Variants in ADAM9 observed in about 807,000 individuals in gnomAD.
ADAM9 encodes ADAM metallopeptidase domain 9, also known as disintegrin and metalloproteinase domain-containing protein 9.
In ADAM9, 54 loss-of-function variants were observed where a neutral mutation model predicts 108.1. That is an observed-to-expected ratio of 0.50 (90% confidence interval 0.40 to 0.63). ADAM9 has a LOEUF of 0.63. ADAM9 is among the 20% of genes least tolerant of loss of function. The pLI, the probability that ADAM9 is intolerant of heterozygous loss-of-function variation, is 0.00. For missense variants in ADAM9, 830 were observed against 997.7 expected, an observed-to-expected ratio of 0.83 and a Z score of 2.26; for synonymous variants, 316 against 336.0, an observed-to-expected ratio of 0.94 and a Z score of 0.65.
chr8:39,012,957 A>AT (rs1206537233), intron 3 of ADAM9, among the ~76,000 whole-genome samples: 36 of 152,270 alleles, frequency 2.4e-4, no homozygotes, highest in African/African-American at 6.7e-4. Flanking sequence ...ATAATAAAAA[A>AT]ATATATAGAC....
chr8:39,042,230 C>T (rs776914037), intron 12 of ADAM9, 113 bp downstream of exon 12: 44 of 1,152,942 alleles, frequency 3.8e-5, no homozygotes, highest in South Asian at 3.5e-4. Context: ...TTTAGTGGCA[C>T]AGTGAGGATT....
intron 21 of ADAM9, among the ~76,000 whole-genome samples, 189 bp downstream of exon 21, chr8:39,102,119 A>G (rs1288758176): frequency 6.6e-6 from 1 of 152,216 alleles, no homozygotes; most frequent in African/African-American, 2.4e-5. Context: ...CAGGGTCAAA[A>G]TGAAATATTA....
intron 12 of ADAM9, among the ~76,000 whole-genome samples, chr8:39,043,530 C>T (rs572554261): frequency 6.6e-6 from 1 of 152,190 alleles, no homozygotes; most frequent in South Asian, 2.1e-4. Context: ...TGATGAGTGA[C>T]ATTGAGCATC....
At chr8:39,034,399 A>G (rs1588360191) in intron 11 of ADAM9, among the ~76,000 whole-genome samples, 1 of 152,124 alleles carries the variant, frequency 6.6e-6, no homozygotes, top group Non-Finnish European at 1.5e-5. Flanking sequence ...CTTGACTCAT[A>G]TAGCTGTGTG....
At chr8:39,087,620 CT>C (rs1041603325) in intron 18 of ADAM9, among the ~76,000 whole-genome samples, 30 of 152,148 alleles carry the variant, frequency 2.0e-4, no homozygotes, top group African/African-American at 7.2e-4. Context: ...TTTTATGGTT[CT>C]TTTAGGAGTA....
chr8:39,077,722 G>A (rs1441242603), intron 16 of ADAM9, among the ~76,000 whole-genome samples: 1 of 152,126 alleles, frequency 6.6e-6, no homozygotes, highest in African/African-American at 2.4e-5. Flanking sequence ...CTGAATTTCA[G>A]GGTGTGTGTC....
chr8:39,064,589 AATCAGTATTT>A (rs879626609), intron 14 of ADAM9, among the ~76,000 whole-genome samples: 1 of 152,208 alleles, frequency 6.6e-6, no homozygotes, highest in Non-Finnish European at 1.5e-5. Context: ...CCAATAGTGT[AATCAGTATTT>A]ATCCTGAGAT....
At chr8:39,045,409 TGC>T (rs376655095) in intron 12 of ADAM9, among the ~76,000 whole-genome samples, 8,951 of 43,284 alleles carry the variant, frequency 0.21, 1,895 homozygotes, top group Non-Finnish European at 0.24. Context: ...CACCTATATG[TGC>T]GCGTGTGTAC....
intron 16 of ADAM9, among the ~76,000 whole-genome samples, chr8:39,080,838 A>G (rs888485182): frequency 4.6e-5 from 7 of 151,700 alleles, no homozygotes; most frequent in Non-Finnish European, 7.4e-5. Flanking sequence ...CAGAAGTCCT[A>G]TAGTCAAGTT....
At chr8:39,054,440 A>G in intron 12 of ADAM9, 41 bp from the exon 13 acceptor site, 1 of 1,530,300 alleles carries the variant, frequency 6.5e-7, no homozygotes, top group Non-Finnish European at 9.0e-7. Context: ...TATTCATGTC[A>G]ATTACTAATT....
chr8:39,022,013 CTTA>C (rs1302190981), intron 8 of ADAM9, among the ~76,000 whole-genome samples: 3 of 150,454 alleles, frequency 2.0e-5, no homozygotes, highest in Non-Finnish European at 4.4e-5. Flanking sequence ...TCGAATGCAT[CTTA>C]TTTTGAATAA....
rs777588861 is a variant in ADAM9 at position 39,011,735 on chromosome 8, T to A, written c.254+19T>A. On this transcript the variant is annotated intron_variant, in intron 3 of 21. Coordinates refer to ENST00000487273, the MANE Select transcript of ADAM9 (RefSeq NM_003816.3). ...GGAACAAGTAAGACATTTAATTTAT[T>A]TTGGCTTTTCAGTAATGTTTTTCCA... 2 of 1,601,564 alleles carry A rather than the reference T, an allele frequency of 1.2e-6. No individual in the cohort carries two copies. Among genetic ancestry groups the A allele is most frequent in the Admixed American group, 3.3e-5 (2 of 59,992 alleles).
At chr8:39,094,214 T>C (rs940569854) in intron 20 of ADAM9, among the ~76,000 whole-genome samples, 1 of 152,246 alleles carries the variant, frequency 6.6e-6, no homozygotes, top group Admixed American at 6.5e-5. Context: ...TTTTGTTTGT[T>C]AATGTTGTTA....
chr8:39,056,725 C>G (rs1205745245), intron 14 of ADAM9, among the ~76,000 whole-genome samples: 4 of 152,044 alleles, frequency 2.6e-5, no homozygotes, highest in African/African-American at 9.7e-5. Context: ...CATTAATTGA[C>G]CTGTATATTG....
Position 39,007,966 on chromosome 8 carries a change from A to G in ADAM9, c.178A>G (p.Arg60Gly). The change falls in exon 2 of 22, where the codon AGG (arginine) becomes GGG (glycine). Residue 60 changes from arginine (R) to glycine (G), a missense_variant. By Grantham distance (125) the Arg-to-Gly change is moderately radical (BLOSUM62 -2). This residue lies in a region of ADAM9 where 211 missense variants were observed against 222.2 expected (regional missense o/e 0.95). Transcript: ENST00000487273. ...AACTAGAGAAAGAAGAGAAGCCCCT[A>G]GGCCCTATTCAAAACAAGTAAGTTA... ...RLTRERREAP[R>G]PYSKQVSYVI... 1 of 1,605,378 alleles carries G rather than the reference A, an allele frequency of 6.2e-7. No individual in the cohort carries two copies. Among genetic ancestry groups the G allele is most frequent in the Non-Finnish European group, 8.5e-7 (1 of 1,173,168 alleles).
Position 39,105,167 on chromosome 8 carries a change from T to C in ADAM9, c.*1467T>C. On this transcript the variant is annotated 3_prime_UTR_variant, in exon 22 of 22. Transcript: ENST00000487273. ...TGGCTTTTTGTTAATAAAGAACAGA[T>C]TAGTTTTGAAGAAGGCAAAAATTTC... is the stretch of plus-strand genomic sequence containing the variant. 4.5e-6 allele frequency: 2 copies of C among 440,114 alleles called. No homozygotes were observed. The highest frequency in any genetic ancestry group is 9.0e-6 in the Non-Finnish European group (2 of 222,288). 27.3% of individuals were successfully genotyped at this position (440,114 alleles called of 1,614,324 possible). A position where few individuals can be genotyped will look rare whatever the true frequency, so the allele number is the denominator to read the frequency against.
intron 1 of ADAM9, among the ~76,000 whole-genome samples, chr8:39,003,799 A>C (rs1251827544): frequency 6.6e-6 from 1 of 152,238 alleles, no homozygotes; most frequent in Non-Finnish European, 1.5e-5. Flanking sequence ...TATAATTTTG[A>C]AAGTCTTTTA....
chr8:39,025,752 G>GT, intron 9 of ADAM9, 51 bp from the exon 10 acceptor site: 1 of 1,516,532 alleles, frequency 6.6e-7, no homozygotes, highest in Non-Finnish European at 9.1e-7. Context: ...TAAAAGCAAT[G>GT]TGTTCCTTTT....
At chr8:38,999,589 GAT>G (rs1331029426) in intron 1 of ADAM9, among the ~76,000 whole-genome samples, 1 of 152,132 alleles carries the variant, frequency 6.6e-6, no homozygotes, top group African/African-American at 2.4e-5. Context: ...ATTTGAATTT[GAT>G]ATGTTTGTGT....
Sources: gnomAD v4.1 joint callset for allele counts (sites outside exome capture counted in the v4.1 genomes callset) on GRCh38, gnomAD v4.1.1 for gene constraint, gnomAD v4.1.1 regional missense constraint, MANE v1.5 for transcripts, NCBI Gene and HGNC (gene_info 2026-07-23, HGNC 2026-07-21) for gene names.